The following PLXDC2 variants were observed in gnomAD, a reference collection of about 807,000 sequenced individuals.
The protein encoded by PLXDC2 is plexin domain containing 2.
In PLXDC2, 40 loss-of-function variants were observed where a neutral mutation model predicts 68.9. The observed-to-expected ratio is 0.58, with a 90% CI of 0.45 to 0.76. The LOEUF (loss-of-function observed/expected upper bound fraction) is 0.76, where lower values mean the gene tolerates loss of function less well. Among genes scored for constraint, PLXDC2 ranks in the 30% least tolerant of loss-of-function variants. The probability of loss-of-function intolerance (pLI) is 0.00; values close to 1 mark genes in which losing one functional copy is unlikely to be tolerated. For synonymous variants in PLXDC2, 243 were observed against 234.2 expected, an observed-to-expected ratio of 1.04 and a Z score of -0.34; for missense variants, 644 against 661.9, an observed-to-expected ratio of 0.97 and a Z score of 0.30.
chr10:19,927,713 CAAAAAAAAA>C (rs35250324), intron 1 of PLXDC2, among the ~76,000 whole-genome samples: 2 of 53,142 alleles, frequency 3.8e-5, no homozygotes, highest in Non-Finnish European at 6.2e-5. Context: ...GGAAAAAAAG[CAAAAAAAAA>C]AAAAAAAAAA....
intron 1 of PLXDC2, among the ~76,000 whole-genome samples, chr10:19,895,747 T>A (rs1838045856): frequency 6.6e-6 from 1 of 152,054 alleles, no homozygotes; most frequent in Non-Finnish European, 1.5e-5. Flanking sequence ...TGAGATCATC[T>A]TCTGCCCTTG....
intron 7 of PLXDC2, among the ~76,000 whole-genome samples, chr10:20,170,284 G>A (rs1158887876): frequency 6.6e-6 from 1 of 152,112 alleles, no homozygotes; most frequent in Non-Finnish European, 1.5e-5. Flanking sequence ...TCCCCCTCCG[G>A]GGTTCAAGTG....
intron 9 of PLXDC2, 53 bp downstream of exon 9, chr10:20,177,462 G>T (rs1375344394): frequency 3.1e-6 from 3 of 965,636 alleles, no homozygotes; most frequent in Non-Finnish European, 4.1e-6. Flanking sequence ...TATTTTAAAA[G>T]ATTAGAAATT....
chr10:20,120,849 A>G (rs1184792457), intron 4 of PLXDC2, among the ~76,000 whole-genome samples: 1 of 152,190 alleles, frequency 6.6e-6, no homozygotes, highest in Admixed American at 6.5e-5. Context: ...GAGGCGGGCT[A>G]GTGGCTTGTG....
chr10:19,931,750 G>A (rs1358467575), intron 1 of PLXDC2, among the ~76,000 whole-genome samples: 3 of 152,130 alleles, frequency 2.0e-5, no homozygotes, highest in African/African-American at 7.2e-5. Context: ...AGGAGGAAAA[G>A]GCAGATCATC....
chr10:20,244,556 T>A (rs902517045), intron 12 of PLXDC2, among the ~76,000 whole-genome samples: 1 of 152,174 alleles, frequency 6.6e-6, no homozygotes, highest in African/African-American at 2.4e-5. Flanking sequence ...TTAAAACAGA[T>A]TTTTCACAAA....
intron 9 of PLXDC2, among the ~76,000 whole-genome samples, chr10:20,178,283 G>A (rs1834556153): frequency 6.6e-6 from 1 of 152,148 alleles, no homozygotes; most frequent in Non-Finnish European, 1.5e-5. Context: ...AAGTGGCAAA[G>A]ATGGTTTTTC....
intron 2 of PLXDC2, among the ~76,000 whole-genome samples, chr10:20,023,963 A>G (rs184868480): frequency 6.6e-6 from 1 of 152,296 alleles, no homozygotes; most frequent in African/African-American, 2.4e-5. Context: ...ATCAACTGCC[A>G]GGACATTGAT....
intron 4 of PLXDC2, among the ~76,000 whole-genome samples, chr10:20,129,269 G>A (rs1414418541): frequency 6.6e-6 from 1 of 152,030 alleles, no homozygotes; most frequent in East Asian, 1.9e-4. Context: ...GGGTATTTGT[G>A]TGTTTTCATT....
chr10:19,944,283 T>C (rs1364533859), intron 1 of PLXDC2, among the ~76,000 whole-genome samples: 1 of 151,516 alleles, frequency 6.6e-6, no homozygotes, highest in Non-Finnish European at 1.5e-5. Flanking sequence ...AAGAATCTGC[T>C]TTTTTTTCCC....
rs549697074 is a variant in PLXDC2, at chr10:19,919,279, G to A, written c.113-82496G>A. Reference sequence around the variant, plus strand: ...TCTTATAAACACTTTGGTTTTAATCGATATTAGGTGTGCTTTTACAGTGTT... The same window carrying A: ...TCTTATAAACACTTTGGTTTTAATCAATATTAGGTGTGCTTTTACAGTGTT... On this transcript the variant is annotated intron_variant, in intron 1 of 13. Coordinates refer to ENST00000377252, the MANE Select transcript of PLXDC2 (RefSeq NM_032812.9). Among the ~76,000 whole-genome samples the A allele has an allele frequency of 5.3e-5, 8 of 152,212 alleles. No homozygotes were observed. The East Asian group carries it at 1.4e-3, about 26-fold the overall frequency.
intron 4 of PLXDC2, among the ~76,000 whole-genome samples, chr10:20,103,595 A>T (rs77216078): frequency 4.1e-5 from 1 of 24,296 alleles, no homozygotes; most frequent in East Asian, 0.25. Flanking sequence ...TGTGTGTGAG[A>T]GAGAGAGAGA....
At chr10:19,913,464 A>G (rs1249950704) in intron 1 of PLXDC2, among the ~76,000 whole-genome samples, 1 of 152,176 alleles carries the variant, frequency 6.6e-6, no homozygotes, top group Non-Finnish European at 1.5e-5. Context: ...GCAGTGTAAT[A>G]CCGGACTAAT....
intron 2 of PLXDC2, among the ~76,000 whole-genome samples, chr10:20,036,055 G>A (rs1238546182): frequency 6.6e-6 from 1 of 152,094 alleles, no homozygotes; most frequent in Non-Finnish European, 1.5e-5. Flanking sequence ...AAAATGACAT[G>A]AGTTTTTGAA....
At chr10:20,194,374 T>G (rs1295782812) in intron 9 of PLXDC2, among the ~76,000 whole-genome samples, 2 of 151,982 alleles carry the variant, frequency 1.3e-5, no homozygotes, top group Admixed American at 1.3e-4. Context: ...AGAGTTCAGA[T>G]GACAAGGCTG....
chr10:20,053,420 C>A (rs1835938324), intron 3 of PLXDC2, among the ~76,000 whole-genome samples: 2 of 152,226 alleles, frequency 1.3e-5, no homozygotes, highest in African/African-American at 2.4e-5. Context: ...GAGGCAGGCA[C>A]TTTATATTAA....
intron 9 of PLXDC2, among the ~76,000 whole-genome samples, chr10:20,184,309 G>A (rs188980895): frequency 8.2e-4 from 123 of 149,392 alleles, no homozygotes; most frequent in Middle Eastern, 7.0e-3. Context: ...AAAAGTAGGC[G>A]CCAGTGTTAT....
In PLXDC2 at chr10:20,282,117, T is replaced by C. The variant is rs1836089588; in HGVS notation, c.*2298T>C. The C allele has an allele frequency of 6.6e-6, 1 of 152,166 alleles. No individual in the cohort carries two copies. Among genetic ancestry groups the C allele is most frequent in the Non-Finnish European group, 1.5e-5 (1 of 68,030 alleles). 9.4% of individuals were successfully genotyped at this position (152,166 alleles called of 1,614,324 possible). A position where few individuals can be genotyped will look rare whatever the true frequency, so the allele number is the denominator to read the frequency against. ...TCTGTAAAAAAACATAAACACTGAA[T>C]TCTTCAGTGAACCAAAGCAACAAAT... On this transcript the variant is annotated 3_prime_UTR_variant, in exon 14 of 14. Coordinates refer to ENST00000377252, the MANE Select transcript of PLXDC2 (RefSeq NM_032812.9).
chr10:19,959,043 C>T lies in PLXDC2; in HGVS notation c.113-42732C>T, dbSNP rs1280614262. On this transcript the variant is annotated intron_variant, in intron 1 of 13. Coordinates refer to ENST00000377252, the MANE Select transcript of PLXDC2 (RefSeq NM_032812.9). ...GAAACAGAAAGCAACATAGTTGTTA[C>T]TCTTCTTTGTGATTTCTGAATAGAA... Among the ~76,000 whole-genome samples the T allele has an allele frequency of 4.6e-5, 7 of 152,260 alleles. No individual in the cohort carries two copies. The East Asian group carries it at 1.2e-3, about 25-fold the overall frequency.
Sources: gnomAD v4.1 joint callset for allele counts (sites outside exome capture counted in the v4.1 genomes callset) on GRCh38, gnomAD v4.1.1 for gene constraint, MANE v1.5 for transcripts, NCBI Gene and HGNC (gene_info 2026-07-23, HGNC 2026-07-21) for gene names.